MAD1L1: variants seen among roughly 807,000 people sequenced by gnomAD.
The protein encoded by MAD1L1 is mitotic arrest deficient 1 like 1.
In MAD1L1, 95 loss-of-function variants were observed where a neutral mutation model predicts 96.9. That is an observed-to-expected ratio of 0.98 (90% CI 0.83 to 1.16). MAD1L1 has a LOEUF of 1.16. MAD1L1 is among the 50% of genes most tolerant of loss of function. The pLI is 0.00. For synonymous variants in MAD1L1, 473 were observed against 396.6 expected, an observed-to-expected ratio of 1.19 and a Z score of -2.29; for missense variants, 1,007 against 954.4, an observed-to-expected ratio of 1.06 and a Z score of -0.73.
chr7:2,100,196 G>A (rs1786707332), intron 11 of MAD1L1, among the ~76,000 whole-genome samples: 4 of 152,196 alleles, frequency 2.6e-5, no homozygotes. Context: ...AGTACTTTCT[G>A]TTCCAGACCA....
chr7:1,998,340 C>T (rs1449447677), intron 14 of MAD1L1, among the ~76,000 whole-genome samples: 1 of 152,340 alleles, frequency 6.6e-6, no homozygotes, highest in East Asian at 1.9e-4. Flanking sequence ...CCGAGGCGTC[C>T]GTGCCTCTGT....
intron 17 of MAD1L1, among the ~76,000 whole-genome samples, chr7:1,903,549 C>T (rs1404475366): frequency 1.4e-5 from 2 of 143,470 alleles, no homozygotes; most frequent in African/African-American, 2.8e-5. Flanking sequence ...GACGCTCTTG[C>T]AGAATTCATG....
chr7:2,085,952 C>T (rs73032330), intron 11 of MAD1L1, among the ~76,000 whole-genome samples: 4,119 of 152,328 alleles, frequency 0.027, 94 homozygotes, highest in South Asian at 0.089. Flanking sequence ...CTGCCCACTC[C>T]CGCCAACTTC....
chr7:1,883,489 G>A (rs1785815084), intron 18 of MAD1L1, among the ~76,000 whole-genome samples: 1 of 152,202 alleles, frequency 6.6e-6, no homozygotes, highest in Admixed American at 6.5e-5. Flanking sequence ...ATGGGAATCA[G>A]CCCAGCTCCC....
At chr7:2,017,511 A>C (rs1175688672) in intron 12 of MAD1L1, among the ~76,000 whole-genome samples, 4 of 152,334 alleles carry the variant, frequency 2.6e-5, no homozygotes, top group South Asian at 4.1e-4. Context: ...CGGGGGCAGC[A>C]GTAGAGGGCG....
chr7:1,974,029 C>G (rs1025165179), intron 15 of MAD1L1, among the ~76,000 whole-genome samples: 2 of 152,210 alleles, frequency 1.3e-5, no homozygotes, highest in Non-Finnish European at 2.9e-5. Context: ...GAGTGAAGGG[C>G]AGGAGCCTGC....
chr7:2,117,083 G>C (rs915178916), intron 11 of MAD1L1, among the ~76,000 whole-genome samples: 1 of 152,202 alleles, frequency 6.6e-6, no homozygotes, highest in South Asian at 2.1e-4. Context: ...AGATAGGCCT[G>C]GCAGAGGCAG....
At chr7:1,831,637 C>T (rs1046569129) in intron 18 of MAD1L1, among the ~76,000 whole-genome samples, 10 of 152,136 alleles carry the variant, frequency 6.6e-5, no homozygotes, top group Non-Finnish European at 1.2e-4. Flanking sequence ...AGGAGAAGTT[C>T]GTAAAGGAAA....
At chr7:2,226,451 C>T (rs563044916) in intron 3 of MAD1L1, among the ~76,000 whole-genome samples, 7 of 150,106 alleles carry the variant, frequency 4.7e-5, no homozygotes, top group African/African-American at 7.4e-5. Context: ...GAGCTGAGCT[C>T]CTGGGGGCCC....
intron 15 of MAD1L1, among the ~76,000 whole-genome samples, chr7:1,963,963 G>A (rs1003690578): frequency 1.3e-5 from 2 of 152,202 alleles, no homozygotes; most frequent in South Asian, 2.1e-4. Context: ...TGGGAGCCCC[G>A]CAAGTGCTGT....
chr7:2,208,421 G>T (rs1792710772), intron 10 of MAD1L1, among the ~76,000 whole-genome samples: 1 of 152,062 alleles, frequency 6.6e-6, no homozygotes, highest in African/African-American at 2.4e-5. Context: ...TTATACTGGT[G>T]AAGATCTCCA....
chr7:2,185,206 T>C (rs11760514), intron 10 of MAD1L1, among the ~76,000 whole-genome samples: 147,125 of 149,146 alleles, frequency 0.99, 72,557 homozygotes, highest in East Asian at 0.99. Flanking sequence ...CACACTCTCT[T>C]GCCTCCCCCC....
At chr7:1,819,634 A>T (rs1251394167) in intron 18 of MAD1L1, among the ~76,000 whole-genome samples, 1 of 152,156 alleles carries the variant, frequency 6.6e-6, no homozygotes, top group Non-Finnish European at 1.5e-5. Flanking sequence ...TAGTCTTACT[A>T]AGCGCTGGTC....
At chr7:1,983,558 A>G (rs1781023094) in intron 14 of MAD1L1, among the ~76,000 whole-genome samples, 1 of 152,238 alleles carries the variant, frequency 6.6e-6, no homozygotes, top group South Asian at 2.1e-4. Context: ...TTTTTATAGA[A>G]ATCAGACAAA....
intron 10 of MAD1L1, among the ~76,000 whole-genome samples, chr7:2,186,306 T>C (rs1791457352): frequency 1.3e-5 from 2 of 152,220 alleles, no homozygotes; most frequent in South Asian, 4.1e-4. Context: ...TGGCAACAAC[T>C]GTAGTGTATG....
At chr7:2,080,678 C>G (rs191137684) in intron 11 of MAD1L1, among the ~76,000 whole-genome samples, 54 of 152,328 alleles carry the variant, frequency 3.5e-4, no homozygotes, top group African/African-American at 1.3e-3. Context: ...CTGGAAACTC[C>G]CGGGTCGCAG....
intron 15 of MAD1L1, among the ~76,000 whole-genome samples, chr7:1,970,145 G>A (rs1052950891): frequency 1.8e-4 from 27 of 152,118 alleles, no homozygotes; most frequent in African/African-American, 6.5e-4. Context: ...AAGCCGAGCC[G>A]CAGAGTTGAG....
At chr7:1,945,035 T>C (rs760170357) in intron 16 of MAD1L1, among the ~76,000 whole-genome samples, 1 of 152,042 alleles carries the variant, frequency 6.6e-6, no homozygotes. Context: ...CGTCGGCCAC[T>C]GGGAGAGACA....
chr7:1,822,345 T>C (rs1782168693), intron 18 of MAD1L1, among the ~76,000 whole-genome samples: 1 of 151,758 alleles, frequency 6.6e-6, no homozygotes, highest in African/African-American at 2.4e-5. Flanking sequence ...ATAGATACAA[T>C]GTTTATGAAC....
Sources: gnomAD v4.1 joint callset for allele counts (sites outside exome capture counted in the v4.1 genomes callset) on GRCh38, gnomAD v4.1.1 for gene constraint, MANE v1.5 for transcripts, NCBI Gene and HGNC (gene_info 2026-07-23, HGNC 2026-07-21) for gene names.